The following MAGI1 variants were observed in gnomAD, a reference collection of about 807,000 sequenced individuals.
MAGI1 encodes the protein membrane-associated guanylate kinase, WW and PDZ domain-containing protein 1.
Under a neutral mutation model 139.9 loss-of-function variants are expected in MAGI1, and 58 were observed. The ratio of observed to expected loss-of-function variants is 0.41; its 90% CI spans 0.34 to 0.52. The LOEUF (loss-of-function observed/expected upper bound fraction) is 0.52, where lower values mean the gene tolerates loss of function less well. Among genes scored for constraint, MAGI1 ranks in the 20% least tolerant of loss-of-function variants. MAGI1 has a pLI of 0.12. For missense variants in MAGI1, 1,874 were observed against 1,901.6 expected (o/e 0.99, Z 0.27); for synonymous variants, 812 against 737.9 (o/e 1.10, Z -1.63).
Position 65,679,221 on chromosome 3 carries a change from T to C in MAGI1, c.314-57133A>G, listed in dbSNP as rs568657662. Among the ~76,000 whole-genome samples the C allele has an allele frequency of 3.9e-5, 6 of 152,326 alleles. No individual in the cohort carries two copies. The South Asian group carries it at 1.0e-3, about 26-fold the overall frequency. On this transcript the variant is annotated intron_variant, in intron 1 of 22. Coordinates refer to ENST00000402939, the MANE Select transcript of MAGI1 (RefSeq NM_001033057.2). ...CTGTCACACATACGCTTCATTTTCATTGTGTTTGATATATGAATTCCATAC... is the reference window on the plus strand; with the variant it reads ...CTGTCACACATACGCTTCATTTTCACTGTGTTTGATATATGAATTCCATAC...
intron 2 of MAGI1, among the ~76,000 whole-genome samples, chr3:65,509,376 C>T (rs1353354475): frequency 2.0e-5 from 3 of 152,134 alleles, no homozygotes; most frequent in African/African-American, 7.2e-5. Context: ...GTGATTTCTG[C>T]GTTTCCATCT....
intron 4 of MAGI1, among the ~76,000 whole-genome samples, chr3:65,473,110 A>G (rs1243469559): frequency 6.6e-6 from 1 of 152,190 alleles, no homozygotes; most frequent in African/African-American, 2.4e-5. Context: ...AATAGTGTCT[A>G]GCACATAGTG....
At chr3:65,417,166 T>C (rs548194683) in intron 12 of MAGI1, among the ~76,000 whole-genome samples, 1 of 152,296 alleles carries the variant, frequency 6.6e-6, no homozygotes, top group South Asian at 2.1e-4. Flanking sequence ...CACTGGGGCC[T>C]GTCGGAGGGC....
chr3:65,449,296 T>A (rs1948875011), intron 6 of MAGI1, among the ~76,000 whole-genome samples: 1 of 152,188 alleles, frequency 6.6e-6, no homozygotes, highest in Non-Finnish European at 1.5e-5. Context: ...ATGATCCCAC[T>A]GCCAGCGGTA....
chr3:65,801,829 CCA>C (rs1363284236), intron 1 of MAGI1, among the ~76,000 whole-genome samples: 2 of 152,140 alleles, frequency 1.3e-5, no homozygotes, highest in African/African-American at 4.8e-5. Flanking sequence ...AAACCCCGGG[CCA>C]CAGACTGCTA....
chr3:65,836,645 C>T (rs1026072570), intron 1 of MAGI1, among the ~76,000 whole-genome samples: 2 of 151,954 alleles, frequency 1.3e-5, no homozygotes, highest in African/African-American at 2.4e-5. Context: ...ATGGTGAAAC[C>T]CCATCTCTAC....
chr3:66,003,511 G>T (rs1031331174), intron 1 of MAGI1, among the ~76,000 whole-genome samples: 1 of 152,134 alleles, frequency 6.6e-6, no homozygotes, highest in Non-Finnish European at 1.5e-5. Flanking sequence ...AGACTGGAAT[G>T]CAATGGTGTG....
At chr3:65,619,543 T>C (rs1016086000) in intron 2 of MAGI1, among the ~76,000 whole-genome samples, 3 of 152,146 alleles carry the variant, frequency 2.0e-5, no homozygotes, top group Admixed American at 2.0e-4. Flanking sequence ...AGTTCTGGAA[T>C]ATACAGATTA....
chr3:65,514,560 G>A (rs1443733888), intron 2 of MAGI1, among the ~76,000 whole-genome samples: 1 of 148,090 alleles, frequency 6.8e-6, no homozygotes, highest in Non-Finnish European at 1.5e-5. Context: ...ATGAAAAAAT[G>A]CTCATCATCA....
intron 1 of MAGI1, among the ~76,000 whole-genome samples, chr3:65,878,050 G>A (rs2060182602): frequency 6.6e-6 from 1 of 152,020 alleles, no homozygotes; most frequent in Admixed American, 6.5e-5. Context: ...GTTGGAAACT[G>A]CAGTAAGTCA....
chr3:65,865,014 G>C (rs1350293423), intron 1 of MAGI1, among the ~76,000 whole-genome samples: 1 of 151,742 alleles, frequency 6.6e-6, no homozygotes, highest in East Asian at 1.9e-4. Flanking sequence ...ATACAGAGAG[G>C]GTTGATATAA....
intron 1 of MAGI1, among the ~76,000 whole-genome samples, chr3:65,973,543 G>A (rs900585045): frequency 6.6e-6 from 1 of 152,186 alleles, no homozygotes; most frequent in East Asian, 1.9e-4. Flanking sequence ...CACTCCCGAA[G>A]CATGGTACTG....
intron 1 of MAGI1, among the ~76,000 whole-genome samples, chr3:65,633,043 G>C (rs936888596): frequency 6.6e-6 from 1 of 152,172 alleles, no homozygotes; most frequent in Non-Finnish European, 1.5e-5. Flanking sequence ...GAAATTCTAG[G>C]GGTGGAGGTT....
At chr3:65,598,198 CG>C (rs929773670) in intron 2 of MAGI1, among the ~76,000 whole-genome samples, 1 of 137,858 alleles carries the variant, frequency 7.3e-6, no homozygotes, top group Admixed American at 7.5e-5. Context: ...ATATCTAGGC[CG>C]GGGGGATTAG....
intron 1 of MAGI1, among the ~76,000 whole-genome samples, chr3:65,723,396 C>G (rs932218967): frequency 6.6e-6 from 1 of 152,144 alleles, no homozygotes; most frequent in Non-Finnish European, 1.5e-5. Flanking sequence ...AGAGTTTCCC[C>G]ACCCCAAAGT....
intron 1 of MAGI1, among the ~76,000 whole-genome samples, chr3:65,838,995 T>G (rs1409293270): frequency 1.3e-5 from 2 of 152,234 alleles, no homozygotes; most frequent in Non-Finnish European, 2.9e-5. Context: ...TCTTTTTAAG[T>G]GCTTACTTGC....
intron 1 of MAGI1, among the ~76,000 whole-genome samples, chr3:65,672,342 T>A (rs2086912210): frequency 6.6e-6 from 1 of 152,218 alleles, no homozygotes; most frequent in African/African-American, 2.4e-5. Context: ...AGAGAATTAG[T>A]CTTTGCTGTA....
chr3:65,671,297 C>A (rs1284217778), intron 1 of MAGI1, among the ~76,000 whole-genome samples: 1 of 152,134 alleles, frequency 6.6e-6, no homozygotes, highest in Admixed American at 6.5e-5. Flanking sequence ...GCATTTGGGG[C>A]TGGATAAATC....
chr3:65,591,142 G>T (rs2081948534), intron 2 of MAGI1, among the ~76,000 whole-genome samples: 1 of 152,050 alleles, frequency 6.6e-6, no homozygotes, highest in African/African-American at 2.4e-5. Flanking sequence ...AATTTTCCAT[G>T]AACTCCACCA....
Sources: allele counts gnomAD v4.1 joint callset (sites outside exome capture counted in the v4.1 genomes callset), GRCh38; gene constraint gnomAD v4.1.1; transcripts MANE v1.5; gene names NCBI Gene and HGNC (gene_info 2026-07-23, HGNC 2026-07-21).